NOB1: variants seen among roughly 807,000 people sequenced by gnomAD.
NOB1 encodes the protein NIN1 (RPN12) binding protein 1 homolog.
NOB1 carries 44 observed loss-of-function variants against 44.8 expected under a neutral mutation model. The observed-to-expected ratio is 0.98, with a 90% CI of 0.77 to 1.26. The LOEUF (loss-of-function observed/expected upper bound fraction) is 1.26. NOB1 is among the 50% of genes most tolerant of loss of function. The probability of loss-of-function intolerance (pLI) is 0.00; values close to 1 mark genes in which losing one functional copy is unlikely to be tolerated. For synonymous variants in NOB1, 238 were observed against 218.7 expected, an observed-to-expected ratio of 1.09 and a Z score of -0.78; for missense variants, 560 against 544.8, an observed-to-expected ratio of 1.03 and a Z score of -0.28.
In NOB1 at chr16:69,744,864, G is replaced by A. The variant is rs973264118; in HGVS notation, c.969+9C>T. ...GTGTTGGGAGGGGACTGGGAGAGGC[G>A]CCACTCACCCGGAGGCCGCGGGGGT... is the stretch of plus-strand genomic sequence containing the variant. On this transcript the variant is annotated intron_variant, in intron 8 of 8. Coordinates refer to ENST00000268802, the MANE Select transcript of NOB1 (RefSeq NM_014062.3). The A allele has an allele frequency of 1.2e-5, 20 of 1,611,318 alleles. No homozygotes were observed. Among genetic ancestry groups the A allele is most frequent in the South Asian group, 2.2e-5 (2 of 90,814 alleles).
chr16:69,754,772 G>T, intron 1 of NOB1, 46 bp from the exon 2 acceptor site: 1 of 1,612,928 alleles, frequency 6.2e-7, no homozygotes. Context: ...ACCAAGCAAC[G>T]CTCCGCGCGA....
chr16:69,742,207 C>A lies in NOB1; in HGVS notation c.*125G>T. 1 of 1,267,306 alleles carries A rather than the reference C, an allele frequency of 7.9e-7. No homozygotes were observed. Among genetic ancestry groups the A allele is most frequent in the Middle Eastern group, 2.6e-4 (1 of 3,800 alleles). 78.5% of individuals were successfully genotyped at this position (1,267,306 alleles called of 1,614,324 possible). A position where few individuals can be genotyped will look rare whatever the true frequency, so the allele number is the denominator to read the frequency against. ...CCAGCGGGGCATGGGCGGACAGAGC[C>A]GCACCGTGAAGCCCGCCTGTTATTT... On this transcript the variant is annotated 3_prime_UTR_variant, in exon 9 of 9. Transcript: ENST00000268802.
intron 7 of NOB1, among the ~76,000 whole-genome samples, chr16:69,747,987 G>A (rs1405101574): frequency 3.3e-5 from 5 of 152,068 alleles, no homozygotes; most frequent in Admixed American, 6.6e-5. Context: ...GTGAAACCCC[G>A]CCTCTACTAA....
chr16:69,752,446 A>G (rs1020566265), intron 2 of NOB1, 75 bp from the exon 3 acceptor site: 1 of 1,483,920 alleles, frequency 6.7e-7, no homozygotes, highest in African/African-American at 1.4e-5. Flanking sequence ...GGAAGTATCA[A>G]AACAATTTAG....
At position 69,749,252 on chromosome 16, in the gene NOB1, GTT is replaced by G. The variant is rs780914169; in HGVS notation, c.484_485del (p.Asn162ProfsTer8). The G allele has an allele frequency of 3.7e-6, 6 of 1,613,546 alleles. No homozygotes were observed. Among genetic ancestry groups the G allele is most frequent in the Middle Eastern group, 1.7e-4 (1 of 6,060 alleles). ...LEFSSFMFWR[N>X]PLPNIDHELQ... ...GTTCATGATCGATGTTGGGCAAAGG[GTT>G]TCTCCAGAACATGAAGGAACTAAAT... On this transcript the variant is annotated frameshift_variant, in exon 5 of 9. Transcript: ENST00000268802. LOFTEE classifies it high-confidence loss of function.
chr16:69,746,031 G>A (rs931914061), intron 7 of NOB1, among the ~76,000 whole-genome samples: 1 of 152,224 alleles, frequency 6.6e-6, no homozygotes, highest in Admixed American at 6.5e-5. Flanking sequence ...TGAGCCTGAC[G>A]CAGCAAAGGG....
chr16:69,750,266 A>G (rs2151754361), intron 3 of NOB1, among the ~76,000 whole-genome samples: 1 of 151,864 alleles, frequency 6.6e-6, no homozygotes, highest in East Asian at 2.0e-4. Flanking sequence ...CAGCCTCCCA[A>G]AGCGCTGGGA....
intron 6 of NOB1, 29 bp from the exon 7 acceptor site, chr16:69,748,358 ATTTTC>A: frequency 6.3e-7 from 1 of 1,581,986 alleles, no homozygotes; most frequent in Non-Finnish European, 8.7e-7. Flanking sequence ...GAAGAAATCA[ATTTTC>A]TTTTCACATT....
Position 69,746,123 on chromosome 16 carries a change from G to A in NOB1, c.825-1106C>T, listed in dbSNP as rs566074167. Among the ~76,000 whole-genome samples, 5 of 152,330 alleles carry A rather than the reference G, an allele frequency of 3.3e-5. No homozygotes were observed. In the East Asian group the frequency reaches 9.7e-4, roughly 29 times the overall value. ...GAGCCACAGTGGCTGGCGGGGCGGG[G>A]CCCCAAGCCTGAGTGCTGGGTTATG... is the stretch of plus-strand genomic sequence containing the variant. On this transcript the variant is annotated intron_variant, in intron 7 of 8. Transcript: ENST00000268802.
At chr16:69,752,435 T>C in intron 2 of NOB1, 64 bp from the exon 3 acceptor site, 6 of 1,547,724 alleles carry the variant, frequency 3.9e-6, no homozygotes, top group Non-Finnish European at 4.4e-6. Flanking sequence ...GGATAACCAA[T>C]GGAAGTATCA....
rs1394647849 is a variant in NOB1 at position 69,742,376 on chromosome 16, A to C, written c.1195T>G (p.Leu399Val). 2.5e-6 allele frequency: 4 copies of C among 1,614,072 alleles called. No individual in the cohort carries two copies. The Admixed American group carries it at 5.0e-5, about 20-fold the overall frequency. The change falls in exon 9 of 9, where the codon TTA becomes GTA. Residue 399 changes from leucine to valine, a missense_variant. Physicochemically the swap from Leu to Val is conservative, Grantham distance 32. Coordinates refer to ENST00000268802, the MANE Select transcript of NOB1 (RefSeq NM_014062.3). ...TTCTTTCTGGAAGCGTTGGGATTTA[A>C]GCGTCTCCGCCCAGCTCCCAAGGTG... ...DSTLGAGRRR[L>V]NPNASRKKFV...
chr16:69,752,135 G>A (rs186269258), intron 3 of NOB1, 106 bp downstream of exon 3: 8 of 990,774 alleles, frequency 8.1e-6, no homozygotes, highest in African/African-American at 8.1e-5. Context: ...ATAATTGGAG[G>A]GGGGGATGAT....
At position 69,752,504 on chromosome 16, in the gene NOB1, T is replaced by C. The variant is rs760560825; in HGVS notation, c.197-133A>G. 127 of 927,222 alleles carry C rather than the reference T, an allele frequency of 1.4e-4. 1 individual carries two copies. Among genetic ancestry groups the C allele is most frequent in the Non-Finnish European group, 1.9e-4 (120 of 625,436 alleles). The allele number at this position is 927,222 out of a possible 1,614,324, so 57.4% of individuals were successfully genotyped here. On this transcript the variant is annotated intron_variant, in intron 2 of 8. Transcript: ENST00000268802. ...ATCAAAACAATTTAGAAAGGATCACTATGTCATGAAAAACCTTAACACTTT... is the reference window on the plus strand; with the variant it reads ...ATCAAAACAATTTAGAAAGGATCACCATGTCATGAAAAACCTTAACACTTT...
Position 69,742,591 on chromosome 16 carries a change from G to C in NOB1, c.980C>G (p.Pro327Arg). The change falls in exon 9 of 9, where the codon CCC becomes CGC. Residue 327 changes from proline to arginine, a missense_variant. Transcript: ENST00000268802. Reference protein sequence around the residue: ...LNPRGLRYSLPTPKGGKYAIN... With the variant: ...LNPRGLRYSLRTPKGGKYAIN... ...GGCGTATTTGCCCCCTTTGGGAGTG[G>C]GAAGCGAGTACTGGAAATAAGACAA... is the stretch of plus-strand genomic sequence containing the variant. The C allele has an allele frequency of 6.2e-7, 1 of 1,614,056 alleles. No individual in the cohort carries two copies. Among genetic ancestry groups the C allele is most frequent in the Non-Finnish European group, 8.5e-7 (1 of 1,179,968 alleles).
Position 69,744,884 on chromosome 16 carries a change from G to A in NOB1, c.958C>T (p.Arg320Cys), listed in dbSNP as rs201985418. Residue 320 changes from arginine (R) to cysteine (C), a missense_variant, in exon 8 of 9, where the codon CGC (arginine) becomes TGC (cysteine). By Grantham distance (180) the Arg-to-Cys change is radical. Transcript: ENST00000268802. ...FSRNPKVLNPRGLRYSLPTPK... is the reference protein window; with the variant it reads ...FSRNPKVLNPCGLRYSLPTPK... ...GAGGCGCCACTCACCCGGAGGCCGC[G>A]GGGGTTCAGCACCTTGGGGTTGCGG... 19 of 1,613,242 alleles carry A rather than the reference G, an allele frequency of 1.2e-5. No individual in the cohort carries two copies. The highest frequency in any genetic ancestry group is 5.0e-5 in the Admixed American group (3 of 59,946).
intron 7 of NOB1, among the ~76,000 whole-genome samples, chr16:69,746,621 T>C (rs988447567): frequency 6.6e-6 from 1 of 152,192 alleles, no homozygotes; most frequent in African/African-American, 2.4e-5. Context: ...AAGCATCTCA[T>C]AGGGCCGGGT....
At chr16:69,749,441 G>A in intron 4 of NOB1, 103 bp from the exon 5 acceptor site, 1 of 1,545,970 alleles carries the variant, frequency 6.5e-7, no homozygotes, top group Non-Finnish European at 8.9e-7. Flanking sequence ...ATCAGACAGG[G>A]CTGGACAAAC....
In NOB1 at chr16:69,748,342, G is replaced by A. The variant is rs370444000; in HGVS notation, c.727-13C>T. 2.1e-4 allele frequency: 334 copies of A among 1,606,546 alleles called. No individual in the cohort carries two copies. The highest frequency in any genetic ancestry group is 2.3e-4 in the Non-Finnish European group (265 of 1,174,704). ...GCAGCAGAACATTCTACAACCACAAGTTAAAGAAGAAATCAATTTTCTTTT... is the reference window on the plus strand; with the variant it reads ...GCAGCAGAACATTCTACAACCACAAATTAAAGAAGAAATCAATTTTCTTTT... On this transcript the variant is annotated splice_polypyrimidine_tract_variant and intron_variant, in intron 6 of 8. Coordinates refer to ENST00000268802, the MANE Select transcript of NOB1 (RefSeq NM_014062.3).
rs2038384340 is a variant in NOB1, at chr16:69,741,871, T to G, written c.*461A>C. The G allele has an allele frequency of 6.5e-6, 1 of 154,478 alleles. No homozygotes were observed. The highest frequency in any genetic ancestry group is 1.4e-5 in the Non-Finnish European group (1 of 69,826). 9.6% of individuals were successfully genotyped at this position (154,478 alleles called of 1,614,324 possible). A position where few individuals can be genotyped will look rare whatever the true frequency, so the allele number is the denominator to read the frequency against. On this transcript the variant is annotated 3_prime_UTR_variant, in exon 9 of 9. Transcript: ENST00000268802. ...AACAGGTTAAAAGAAAAGAAAGAAA[T>G]GGTAGTTCTTAGTTTTATTATAACC...
Sources: allele counts gnomAD v4.1 joint callset (sites outside exome capture counted in the v4.1 genomes callset), GRCh38; gene constraint gnomAD v4.1.1; transcripts MANE v1.5; gene names NCBI Gene and HGNC (gene_info 2026-07-23, HGNC 2026-07-21).